The following EXTL3 variants were observed in gnomAD, a reference collection of about 807,000 sequenced individuals.
EXTL3 encodes the protein exostosin like glycosyltransferase 3, also known as exostosin-like 3.
A neutral mutation model predicts 69.3 loss-of-function variants in EXTL3; 27 were observed. That is an observed-to-expected ratio of 0.39 (90% CI 0.29 to 0.54). The LOEUF (loss-of-function observed/expected upper bound fraction) is 0.54, where lower values mean the gene tolerates loss of function less well. EXTL3 is among the 20% of genes least tolerant of loss of function. The pLI is 0.69. For missense variants in EXTL3, 1,003 were observed against 1,231.8 expected (o/e 0.81, Z 2.78); for synonymous variants, 511 against 499.4 (o/e 1.02, Z -0.31).
intron 1 of EXTL3, among the ~76,000 whole-genome samples, chr8:28,658,734 C>T (rs939678378): frequency 2.0e-5 from 3 of 152,106 alleles, no homozygotes; most frequent in African/African-American, 7.2e-5. Flanking sequence ...GTGCCCACCA[C>T]CATGCCTGGC....
At chr8:28,747,646 C>T (rs529362283) in intron 6 of EXTL3, among the ~76,000 whole-genome samples, 8 of 151,372 alleles carry the variant, frequency 5.3e-5, no homozygotes, top group Non-Finnish European at 8.8e-5. Flanking sequence ...TCCTGTCTAT[C>T]GTGGTGACTT....
chr8:28,734,807 C>G (rs1801611558), intron 4 of EXTL3, among the ~76,000 whole-genome samples: 1 of 152,180 alleles, frequency 6.6e-6, no homozygotes, highest in South Asian at 2.1e-4. Flanking sequence ...CTCTGTGCTT[C>G]CATTCTGTTC....
chr8:28,703,592 C>T (rs918955001), intron 1 of EXTL3, among the ~76,000 whole-genome samples: 2 of 152,060 alleles, frequency 1.3e-5, no homozygotes, highest in Non-Finnish European at 2.9e-5. Flanking sequence ...ATGCGGAGTC[C>T]TTGTCTCAGT....
chr8:28,629,930 G>A (rs766717051), intron 1 of EXTL3, among the ~76,000 whole-genome samples: 1 of 152,140 alleles, frequency 6.6e-6, no homozygotes, highest in African/African-American at 2.4e-5. Flanking sequence ...GGAAGGGGGT[G>A]CAATCTGGAA....
intron 1 of EXTL3, 145 bp downstream of exon 1, chr8:28,701,804 C>G (rs1232944043): frequency 6.6e-6 from 1 of 152,168 alleles, no homozygotes; most frequent in Non-Finnish European, 1.5e-5. Flanking sequence ...TGCTGCTGCC[C>G]GGCGGCGGGA....
intron 1 of EXTL3, among the ~76,000 whole-genome samples, chr8:28,711,520 A>G (rs891691381): frequency 2.0e-5 from 3 of 152,010 alleles, no homozygotes; most frequent in African/African-American, 7.3e-5. Flanking sequence ...CGGTAGGTAG[A>G]GATTTTCAGA....
chr8:28,730,052 A>G (rs1031564937), intron 3 of EXTL3: 2 of 152,176 alleles, frequency 1.3e-5, no homozygotes, highest in African/African-American at 2.4e-5. Context: ...TATAGAATAA[A>G]TGATTCTCCT....
chr8:28,717,373 C>G lies in EXTL3; in HGVS notation c.1314C>G (p.Asp438Glu). The G allele has an allele frequency of 6.2e-7, 1 of 1,614,216 alleles. No homozygotes were observed. Among genetic ancestry groups the G allele is most frequent in the Non-Finnish European group, 8.5e-7 (1 of 1,180,052 alleles). ...TCGCCCTCATCATTACCCCCGGGGA[C>G]CCTCGCTTGGTTATTTCCTCTGGGT... is the stretch of plus-strand genomic sequence containing the variant. ...STFALIITPG[D>E]PRLVISSGCA... The change falls in exon 3 of 7, where the codon GAC becomes GAG. Residue 438 changes from aspartate to glutamate, a missense_variant. Coordinates refer to ENST00000220562, the MANE Select transcript of EXTL3 (RefSeq NM_001440.4). This position sits in a 1 kb window ranked among gnomAD's most constrained non-coding sequence, Gnocchi z 8.3.
chr8:28,619,352 T>C (rs1050899100), upstream of EXTL3, among the ~76,000 whole-genome samples: 3 of 132,332 alleles, frequency 2.3e-5, no homozygotes, highest in Non-Finnish European at 4.7e-5. Context: ...CCTAAATATC[T>C]ACCTTCCTGG....
intron 1 of EXTL3, among the ~76,000 whole-genome samples, chr8:28,670,351 A>G (rs1807266860): frequency 6.6e-6 from 1 of 152,198 alleles, no homozygotes; most frequent in African/African-American, 2.4e-5. Context: ...AGGGATTGCC[A>G]GAGAAACAGA....
chr8:28,658,546 T>C (rs574209692), intron 1 of EXTL3, among the ~76,000 whole-genome samples: 1 of 152,200 alleles, frequency 6.6e-6, no homozygotes, highest in East Asian at 1.9e-4. Context: ...GCCCCCGCAC[T>C]TATCTTGGAG....
intron 1 of EXTL3, among the ~76,000 whole-genome samples, chr8:28,628,018 T>C (rs967470797): frequency 2.6e-5 from 4 of 152,126 alleles, no homozygotes; most frequent in Admixed American, 1.3e-4. Context: ...TGGTGATGGT[T>C]ACACAACAAT....
chr8:28,620,123 T>C (rs995818586), upstream of EXTL3, among the ~76,000 whole-genome samples: 1 of 151,908 alleles, frequency 6.6e-6, no homozygotes, highest in African/African-American at 2.4e-5. Context: ...TCTGCCCGCC[T>C]CGGCCTCCCA....
intron 5 of EXTL3, chr8:28,741,278 A>G (rs1238948059): frequency 1.3e-5 from 2 of 152,222 alleles, no homozygotes; most frequent in East Asian, 1.9e-4. Context: ...TGCTTTCATC[A>G]GTTTTTTTTA....
At chr8:28,617,744 C>T (rs1006803205), upstream of EXTL3, among the ~76,000 whole-genome samples, 1 of 152,188 alleles carries the variant, frequency 6.6e-6, no homozygotes, top group Non-Finnish European at 1.5e-5. Context: ...AGTGCCACTG[C>T]GCTCCAGACT....
Position 28,750,718 on chromosome 8 carries a change from C to T in EXTL3, c.2612C>T (p.Ser871Phe). The T allele has an allele frequency of 1.2e-6, 2 of 1,614,194 alleles. No individual in the cohort carries two copies. Among genetic ancestry groups the T allele is most frequent in the Non-Finnish European group, 1.7e-6 (2 of 1,180,024 alleles). Residue 871 changes from serine (S) to phenylalanine (F), a missense_variant, in exon 7 of 7, where the codon TCC (serine) becomes TTC (phenylalanine). Ser to Phe is a radical substitution (Grantham distance 155). Transcript: ENST00000220562. The surrounding 1 kb of genome is among the most constrained non-coding windows in gnomAD (Gnocchi z 5.2). ...CCTCAGGCCCTGTCTCATGATGACT[C>T]CCACTTCCACGAGCGGCACAAGTGC... ...GCPQALSHDD[S>F]HFHERHKCIN...
intron 1 of EXTL3, among the ~76,000 whole-genome samples, chr8:28,668,272 A>G (rs1039669429): frequency 1.4e-5 from 2 of 146,176 alleles, no homozygotes; most frequent in African/African-American, 5.2e-5. Context: ...AAAAAAAAAA[A>G]AAAGAAAAGA....
Position 28,713,478 on chromosome 8 carries a change from A to C in EXTL3, c.-548A>C. 1.4e-6 allele frequency: 1 copy of C among 698,034 alleles called. No individual in the cohort carries two copies. The highest frequency in any genetic ancestry group is 2.6e-6 in the Non-Finnish European group (1 of 383,432). 43.2% of individuals were successfully genotyped at this position (698,034 alleles called of 1,614,324 possible). On this transcript the variant is annotated 5_prime_UTR_variant, in exon 2 of 7. Transcript: ENST00000220562. ...TCAGGAGAGCAAGCCCTGGAGGTTCACTCTTTCAAGAAGTCGTGTGCTGAG... is the reference window on the plus strand; with the variant it reads ...TCAGGAGAGCAAGCCCTGGAGGTTCCCTCTTTCAAGAAGTCGTGTGCTGAG...
intron 1 of EXTL3, among the ~76,000 whole-genome samples, chr8:28,652,471 AC>A (rs772827139): frequency 1.2e-4 from 18 of 152,042 alleles, no homozygotes; most frequent in Middle Eastern, 3.4e-3. Flanking sequence ...AGCCTGCGCA[AC>A]ACAGGGAGGC....
Sources: gnomAD v4.1 joint callset for allele counts (sites outside exome capture counted in the v4.1 genomes callset) on GRCh38, gnomAD v4.1.1 for gene constraint, Gnocchi (gnomAD v3.1) non-coding constraint, MANE v1.5 for transcripts, NCBI Gene and HGNC (gene_info 2026-07-23, HGNC 2026-07-21) for gene names.